The following COLEC10 variants were observed in gnomAD, a reference collection of about 807,000 sequenced individuals.
COLEC10 encodes the protein collectin subfamily member 10.
A neutral mutation model predicts 28.4 loss-of-function variants in COLEC10; 22 were observed. The ratio of observed to expected loss-of-function variants is 0.78; its 90% CI spans 0.55 to 1.11. The LOEUF (loss-of-function observed/expected upper bound fraction) is 1.11, where lower values mean the gene tolerates loss of function less well. Among genes scored for constraint, COLEC10 ranks in the 50% least tolerant of loss-of-function variants. The pLI is 0.00. For missense variants in COLEC10, 361 were observed against 344.1 expected, an observed-to-expected ratio of 1.05 and a Z score of -0.39; for synonymous variants, 125 against 116.1, an observed-to-expected ratio of 1.08 and a Z score of -0.49.
intron 2 of COLEC10, among the ~76,000 whole-genome samples, chr8:119,038,800 G>A (rs1814436462): frequency 6.6e-6 from 1 of 152,112 alleles, no homozygotes; most frequent in Non-Finnish European, 1.5e-5. Flanking sequence ...GTGGATGGTA[G>A]AGCAGTTTCC....
At chr8:119,083,671 G>A (rs535314083) in intron 1 of COLEC10, among the ~76,000 whole-genome samples, 16 of 151,928 alleles carry the variant, frequency 1.1e-4, no homozygotes, top group East Asian at 5.8e-4. Flanking sequence ...CCATTTTCCC[G>A]GATAGGAAAC....
intron 1 of COLEC10, among the ~76,000 whole-genome samples, chr8:119,072,867 C>A (rs748671005): frequency 6.6e-6 from 1 of 152,172 alleles, no homozygotes; most frequent in Non-Finnish European, 1.5e-5. Context: ...GACCTCTTAG[C>A]AACTGAAAAA....
At chr8:118,996,066 C>G (rs1352997573) in intron 1 of COLEC10, among the ~76,000 whole-genome samples, 1 of 152,136 alleles carries the variant, frequency 6.6e-6, no homozygotes, top group Non-Finnish European at 1.5e-5. Flanking sequence ...AAACCCCTGG[C>G]AACCAGTGTT....
chr8:119,095,645 T>A (rs1224179425), intron 3 of COLEC10, among the ~76,000 whole-genome samples: 1 of 152,168 alleles, frequency 6.6e-6, no homozygotes, highest in Non-Finnish European at 1.5e-5. Flanking sequence ...GAGGTTGCAG[T>A]GAGCTGAGAT....
At chr8:119,047,500 C>A (rs1814606604) in intron 2 of COLEC10, among the ~76,000 whole-genome samples, 1 of 152,102 alleles carries the variant, frequency 6.6e-6, no homozygotes, top group African/African-American at 2.4e-5. Flanking sequence ...GGTGCACTGA[C>A]AAGGAAGCTT....
the COLEC10 span, among the ~76,000 whole-genome samples, chr8:118,960,188 T>C: frequency 6.6e-6 from 1 of 151,986 alleles, no homozygotes; most frequent in Non-Finnish European, 1.5e-5. Flanking sequence ...TACTATAGCA[T>C]GTGTGACTCC....
the COLEC10 span, among the ~76,000 whole-genome samples, chr8:118,974,610 T>C: frequency 6.9e-3 from 1,055 of 152,108 alleles, 9 homozygotes; most frequent in African/African-American, 0.023. Context: ...ATGACTACAG[T>C]TGTTCATTCT....
intron 2 of COLEC10, among the ~76,000 whole-genome samples, chr8:119,043,271 A>G (rs2130159161): frequency 6.6e-6 from 1 of 152,286 alleles, no homozygotes; most frequent in East Asian, 1.9e-4. Flanking sequence ...ACTCTCTTTT[A>G]TTGCCCAGTC....
chr8:119,045,223 C>T (rs1440380321), intron 2 of COLEC10, among the ~76,000 whole-genome samples: 4 of 152,196 alleles, frequency 2.6e-5, no homozygotes, highest in Non-Finnish European at 4.4e-5. Flanking sequence ...AAGGTGGGAA[C>T]AAAGAGGGTC....
intron 4 of COLEC10, 88 bp from the exon 5 acceptor site, chr8:119,103,712 A>G (rs557985150): frequency 1.3e-4 from 104 of 779,802 alleles, no homozygotes; most frequent in Admixed American, 5.4e-4. Context: ...CTAGAAAAAG[A>G]TAGTGAATAT....
intron 2 of COLEC10, among the ~76,000 whole-genome samples, chr8:119,046,730 T>C (rs888220337): frequency 1.3e-5 from 2 of 152,230 alleles, no homozygotes; most frequent in Non-Finnish European, 2.9e-5. Context: ...CAAATGATTA[T>C]AATCTTTATT....
At chr8:118,994,982 G>A (rs996768298), upstream of COLEC10, among the ~76,000 whole-genome samples, 12 of 152,044 alleles carry the variant, frequency 7.9e-5, no homozygotes, top group African/African-American at 2.9e-4. Flanking sequence ...ATTCAATGTG[G>A]GCAAAAGGGG....
the COLEC10 span, among the ~76,000 whole-genome samples, chr8:118,957,947 G>A: frequency 7.2e-5 from 11 of 152,242 alleles, no homozygotes; most frequent in Admixed American, 3.3e-4. Flanking sequence ...TCAATTGCCT[G>A]CCTGGAGAGA....
chr8:119,075,018 C>T (rs767941944), intron 1 of COLEC10, among the ~76,000 whole-genome samples: 3 of 152,152 alleles, frequency 2.0e-5, no homozygotes, highest in Non-Finnish European at 4.4e-5. Flanking sequence ...TAAATAAGAG[C>T]AAACCATGGG....
In COLEC10 at chr8:119,106,084, T is replaced by A. The variant is rs760357008; in HGVS notation, c.727T>A (p.Tyr243Asn). The change falls in exon 6 of 6, where the codon TAT becomes AAT. Residue 243 changes from tyrosine (Y) to asparagine (N), a missense_variant. Transcript: ENST00000332843. ...NWNEGEPSDP[Y>N]GHEDCVEMLS... ...GAATGAGGGGGAACCCAGCGACCCCTATGGTCATGAGGACTGTGTGGAGAT... is the reference window on the plus strand; with the variant it reads ...GAATGAGGGGGAACCCAGCGACCCCAATGGTCATGAGGACTGTGTGGAGAT... 2.5e-6 allele frequency: 4 copies of A among 1,613,898 alleles called. No homozygotes were observed. The highest frequency in any genetic ancestry group is 3.4e-6 in the Non-Finnish European group (4 of 1,179,868).
At chr8:118,983,427 C>T in the COLEC10 span, among the ~76,000 whole-genome samples, 1 of 152,108 alleles carries the variant, frequency 6.6e-6, no homozygotes. Flanking sequence ...ACCCAGTCTG[C>T]TTCCCAGCAA....
Position 119,085,797 on chromosome 8 carries a change from T to C in COLEC10, c.149-3883T>C, listed in dbSNP as rs370645080. On this transcript the variant is annotated intron_variant, in intron 1 of 5. Transcript: ENST00000332843. ...CAGGCCCAGCTAATTTTTGTATTCT[T>C]AGTAGAGACAGGGTTTCACCATGTT... 4.0e-5 allele frequency among the ~76,000 whole-genome samples: 6 copies of C among 151,808 alleles called. No individual in the cohort carries two copies. In the East Asian group the frequency reaches 9.7e-4, roughly 25 times the overall value.
At chr8:119,035,108 G>T (rs144583070) in intron 2 of COLEC10, among the ~76,000 whole-genome samples, 108 of 152,266 alleles carry the variant, frequency 7.1e-4, no homozygotes, top group African/African-American at 2.5e-3. Context: ...CGTAACAACA[G>T]CCACACATGC....
Position 119,103,809 on chromosome 8 carries a change from G to C in COLEC10, c.356G>C (p.Cys119Ser). The change falls in exon 5 of 6, where the codon TGT (cysteine) becomes TCT (serine). Residue 119 changes from cysteine to serine, a missense_variant. Coordinates refer to ENST00000332843, the MANE Select transcript of COLEC10 (RefSeq NM_006438.5). Reference protein sequence around the residue: ...PGEKGKAGTVCDCGRYRKFVG... With the variant: ...PGEKGKAGTVSDCGRYRKFVG... ...TTTTGTCATTTAAAAGGTACTGTCT[G>C]TGATTGTGGAAGATACCGGAAATTT... The C allele has an allele frequency of 1.2e-6, 2 of 1,608,280 alleles. No individual in the cohort carries two copies. Among genetic ancestry groups the C allele is most frequent in the Non-Finnish European group, 1.7e-6 (2 of 1,175,020 alleles).
Sources: allele counts gnomAD v4.1 joint callset (sites outside exome capture counted in the v4.1 genomes callset), GRCh38; gene constraint gnomAD v4.1.1; transcripts MANE v1.5; gene names NCBI Gene and HGNC (gene_info 2026-07-23, HGNC 2026-07-21).